The following FANCA variants were observed in gnomAD, a reference collection of about 807,000 sequenced individuals.
The protein encoded by FANCA is Fanconi anemia group A protein.
Under a neutral mutation model 194.3 loss-of-function variants are expected in FANCA, and 236 were observed. The ratio of observed to expected loss-of-function variants is 1.21; its 90% CI spans 1.09 to 1.35. The LOEUF is 1.35. Ranked by LOEUF, FANCA falls within the 40% of genes most tolerant of loss-of-function variation. The probability of loss-of-function intolerance (pLI) is 0.00; values close to 1 mark genes in which losing one functional copy is unlikely to be tolerated. For synonymous variants in FANCA, 1,014 were observed against 715.8 expected, an observed-to-expected ratio of 1.42 and a Z score of -6.65; for missense variants, 2,628 against 1,813.9, an observed-to-expected ratio of 1.45 and a Z score of -8.15.
intron 10 of FANCA, among the ~76,000 whole-genome samples, chr16:89,798,027 T>C (rs1487602445): frequency 1.3e-5 from 2 of 152,138 alleles, no homozygotes; most frequent in Admixed American, 6.6e-5. Context: ...AAAAAAGCCC[T>C]TGCCACAGAC....
chr16:89,801,784 A>C (rs1261807863), intron 8 of FANCA, among the ~76,000 whole-genome samples: 1 of 151,946 alleles, frequency 6.6e-6, no homozygotes, highest in Non-Finnish European at 1.5e-5. Context: ...GCTATTCGGG[A>C]GGCTGAGGCA....
intron 8 of FANCA, among the ~76,000 whole-genome samples, chr16:89,801,084 G>A (rs548866449): frequency 1.4e-4 from 21 of 149,024 alleles, no homozygotes; most frequent in African/African-American, 4.7e-4. Flanking sequence ...GGTAGCCCAC[G>A]CCTATAATCC....
chr16:89,780,049 G>A, intron 17 of FANCA, 92 bp from the exon 18 acceptor site: 1 of 1,120,596 alleles, frequency 8.9e-7, no homozygotes, highest in Non-Finnish European at 1.3e-6. Flanking sequence ...GTGCTTCCTT[G>A]TTGAAAGGCT....
At chr16:89,762,536 G>A in intron 28 of FANCA, 1 of 224,192 alleles carries the variant, frequency 4.5e-6, no homozygotes, top group Non-Finnish European at 9.0e-6. Flanking sequence ...CAAGGCTGCA[G>A]TGAGTAACAG....
At position 89,812,509 on chromosome 16, in the gene FANCA, G is replaced by A. The variant is rs1352364422; in HGVS notation, c.284-1438C>T. Among the ~76,000 whole-genome samples, 4 of 151,500 alleles carry A rather than the reference G, an allele frequency of 2.6e-5. No individual in the cohort carries two copies. The East Asian group carries it at 7.8e-4, about 30-fold the overall frequency. ...TAAAAATACAAAATTAGCCAGGCGT[G>A]GTGGTGCATGCCTGTAATACCAGCT... On this transcript the variant is annotated intron_variant, in intron 3 of 42. Coordinates refer to ENST00000389301, the MANE Select transcript of FANCA (RefSeq NM_000135.4).
chr16:89,740,282 G>A, intron 38 of FANCA, 183 bp from the exon 39 acceptor site: 1 of 627,988 alleles, frequency 1.6e-6, no homozygotes, highest in Non-Finnish European at 2.9e-6. Context: ...TCAGGTAGGA[G>A]GCCAGGGACT....
rs1475343231 is a variant in FANCA, at chr16:89,788,452, A to G, written c.1359+2951T>C. ...CTCCATCTCAAAAACAAAACAAAAC[A>G]TAACAAAAACAGATGTTCAAACACT... On this transcript the variant is annotated intron_variant, in intron 14 of 42. Transcript: ENST00000389301. Among the ~76,000 whole-genome samples, 7 of 152,018 alleles carry G rather than the reference A, an allele frequency of 4.6e-5. No homozygotes were observed. In the East Asian group the frequency reaches 9.7e-4, roughly 21 times the overall value.
At chr16:89,806,563 G>T (rs1251684913) in intron 6 of FANCA, among the ~76,000 whole-genome samples, 1 of 151,684 alleles carries the variant, frequency 6.6e-6, no homozygotes. Context: ...TAACGAGCAT[G>T]CTGCCTTCAA....
intron 33 of FANCA, among the ~76,000 whole-genome samples, chr16:89,747,669 C>G (rs1189605418): frequency 6.6e-6 from 1 of 151,908 alleles, no homozygotes; most frequent in Admixed American, 6.6e-5. Flanking sequence ...CTGCTGCACT[C>G]CAGCCTGGGC....
intron 26 of FANCA, among the ~76,000 whole-genome samples, chr16:89,767,670 T>G (rs1373448923): frequency 6.6e-6 from 1 of 152,164 alleles, no homozygotes; most frequent in Non-Finnish European, 1.5e-5. Flanking sequence ...TGCCTCAGTC[T>G]CCCGAGTAGC....
intron 10 of FANCA, 84 bp from the exon 11 acceptor site, chr16:89,796,102 G>T: frequency 9.6e-7 from 1 of 1,036,852 alleles, no homozygotes; most frequent in Non-Finnish European, 1.5e-6. Flanking sequence ...CTGTGGCTCA[G>T]GCTCATCCCT....
chr16:89,779,645 A>C (rs908682826), intron 18 of FANCA, among the ~76,000 whole-genome samples: 1 of 152,208 alleles, frequency 6.6e-6, no homozygotes, highest in African/African-American at 2.4e-5. Context: ...CTCGATTCAC[A>C]GCCCTGACTC....
chr16:89,812,801 G>A (rs906591379), intron 3 of FANCA, among the ~76,000 whole-genome samples: 11 of 151,864 alleles, frequency 7.2e-5, no homozygotes, highest in African/African-American at 2.7e-4. Context: ...GCAGGAGGCC[G>A]AGGCGGGTCG....
In FANCA at chr16:89,746,903, T is replaced by G; in HGVS notation, c.3349-13A>C. 2.6e-6 allele frequency: 4 copies of G among 1,552,940 alleles called. No homozygotes were observed. Among genetic ancestry groups the G allele is most frequent in the Non-Finnish European group, 3.5e-6 (4 of 1,147,788 alleles). ...AGCAGAAGTTTCTCTGCAAAAGAGTTCAAGGCAGGTAAGAAAAGCCCACAG... is the reference window on the plus strand; with the variant it reads ...AGCAGAAGTTTCTCTGCAAAAGAGTGCAAGGCAGGTAAGAAAAGCCCACAG... On this transcript the variant is annotated splice_polypyrimidine_tract_variant and intron_variant, in intron 33 of 42. Transcript: ENST00000389301.
chr16:89,781,498 C>A (rs1490769423), intron 17 of FANCA, among the ~76,000 whole-genome samples: 3 of 147,926 alleles, frequency 2.0e-5, no homozygotes, highest in Non-Finnish European at 4.5e-5. Context: ...ATGGTGAAAC[C>A]CCATCTCTAC....
chr16:89,782,662 C>G (rs1329862284), intron 17 of FANCA, among the ~76,000 whole-genome samples, 197 bp downstream of exon 17: 1 of 152,164 alleles, frequency 6.6e-6, no homozygotes, highest in Non-Finnish European at 1.5e-5. Flanking sequence ...TAACCCTTTC[C>G]CTGCCAATGC....
At chr16:89,802,151 C>CTAGAGT (rs972036211) in intron 8 of FANCA, among the ~76,000 whole-genome samples, 3 of 152,146 alleles carry the variant, frequency 2.0e-5, no homozygotes, top group African/African-American at 7.2e-5. Flanking sequence ...GTCACCCAGG[C>CTAGAGT]TAGAGTGCAA....
At chr16:89,756,675 T>C (rs1280148486) in intron 30 of FANCA, among the ~76,000 whole-genome samples, 1 of 151,940 alleles carries the variant, frequency 6.6e-6, no homozygotes, top group African/African-American at 2.4e-5. Context: ...ACAAACAAAG[T>C]GAATGGATAA....
chr16:89,776,149 CTTTGTTTTTCTTTTTT>C (rs1411358944), intron 20 of FANCA, among the ~76,000 whole-genome samples: 1 of 126,688 alleles, frequency 7.9e-6, no homozygotes, highest in African/African-American at 2.9e-5. Context: ...AAACACGAAT[CTTTGTTTTTCTTTTTT>C]TTTTTTTTTT....
Sources: gnomAD v4.1 joint callset for allele counts (sites outside exome capture counted in the v4.1 genomes callset) on GRCh38, gnomAD v4.1.1 for gene constraint, MANE v1.5 for transcripts, NCBI Gene and HGNC (gene_info 2026-07-23, HGNC 2026-07-21) for gene names.